ZMAT4: variants seen among roughly 807,000 people sequenced by gnomAD.
ZMAT4 encodes zinc finger matrin-type protein 4.
Under a neutral mutation model 28.7 loss-of-function variants are expected in ZMAT4, and 17 were observed. The ratio of observed to expected loss-of-function variants is 0.59; its 90% confidence interval spans 0.41 to 0.89. The LOEUF is 0.89. Ranked by LOEUF, ZMAT4 falls within the 40% of genes least tolerant of loss-of-function variation. The pLI, the probability that ZMAT4 is intolerant of heterozygous loss-of-function variation, is 0.00. For missense variants in ZMAT4, 240 were observed against 283.8 expected (o/e 0.85, Z 1.11); for synonymous variants, 117 against 109.2 (o/e 1.07, Z -0.44).
intron 5 of ZMAT4, among the ~76,000 whole-genome samples, chr8:40,595,477 G>C (rs1337653369): frequency 6.6e-6 from 1 of 152,120 alleles, no homozygotes; most frequent in East Asian, 1.9e-4. Context: ...GAACATCAGA[G>C]TGTACTTACA....
At chr8:40,892,009 A>G (rs959125865) in intron 1 of ZMAT4, among the ~76,000 whole-genome samples, 2 of 152,082 alleles carry the variant, frequency 1.3e-5, no homozygotes, top group African/African-American at 2.4e-5. Context: ...AGACTTCCCA[A>G]CTTCACTGAC....
intron 1 of ZMAT4, 123 bp downstream of exon 1, chr8:40,897,560 C>T (rs1162843267): frequency 1.3e-5 from 2 of 152,264 alleles, no homozygotes; most frequent in African/African-American, 4.8e-5. Flanking sequence ...CAGTGATTTC[C>T]CACCTTTATC....
intron 3 of ZMAT4, among the ~76,000 whole-genome samples, chr8:40,745,675 A>C (rs1812187033): frequency 6.6e-6 from 1 of 152,146 alleles, no homozygotes; most frequent in African/African-American, 2.4e-5. Context: ...AACTTAGGAC[A>C]ATGTTCAGAG....
intron 6 of ZMAT4, among the ~76,000 whole-genome samples, chr8:40,552,958 G>A (rs1012814631): frequency 2.6e-5 from 4 of 152,164 alleles, no homozygotes; most frequent in African/African-American, 4.8e-5. Context: ...AGCTAAGCAC[G>A]TGGGAGTTAT....
chr8:40,760,056 ACT>A (rs945150390), intron 3 of ZMAT4, among the ~76,000 whole-genome samples: 2 of 151,966 alleles, frequency 1.3e-5, no homozygotes, highest in Admixed American at 1.3e-4. Flanking sequence ...ACTTTGTCCC[ACT>A]CTTATGCTTG....
intron 1 of ZMAT4, among the ~76,000 whole-genome samples, chr8:40,895,140 C>T (rs976608573): frequency 4.7e-5 from 6 of 127,104 alleles, no homozygotes; most frequent in African/African-American, 1.4e-4. Flanking sequence ...AACCCCTTCC[C>T]ACCATAGTGG....
chr8:40,573,555 C>A lies in ZMAT4; in HGVS notation c.674+7610G>T, dbSNP rs115265135. On this transcript the variant is annotated intron_variant, in intron 6 of 6. Transcript: ENST00000297737. The stretch of plus-strand genomic sequence containing the variant: ...GATGATTTCATCTTGAGAATCTTAA[C>A]TGATAACATCTGCAAAGACCCTATT... 5.1e-3 allele frequency among the ~76,000 whole-genome samples: 771 copies of A among 152,242 alleles called. 7 individuals are homozygous for A. Among genetic ancestry groups the A allele is most frequent in the African/African-American group, 0.018 (743 of 41,546 alleles).
At position 40,530,791 on chromosome 8, in the gene ZMAT4, GTC is replaced by G. The variant is rs1802668605; in HGVS notation, c.*1430_*1431del. ...AGTAGGGTGTGGCTCGTGGGGCTTC[GTC>G]TCTCTGCAGGCACAGAAACTGGCAG... On this transcript the variant is annotated 3_prime_UTR_variant, in exon 7 of 7. Transcript: ENST00000297737. 1 of 152,474 alleles carries G rather than the reference GTC, an allele frequency of 6.6e-6. No homozygotes were observed. The highest frequency in any genetic ancestry group is 6.6e-5 in the Admixed American group (1 of 15,250). The allele number at this position is 152,474 out of a possible 1,614,324, so 9.4% of individuals were successfully genotyped here.
chr8:40,841,408 C>G lies in ZMAT4; in HGVS notation c.-4-15728G>C, dbSNP rs562518814. Among the ~76,000 whole-genome samples the G allele has an allele frequency of 1.2e-4, 18 of 152,322 alleles. No individual in the cohort carries two copies. The East Asian group carries it at 3.5e-3, about 29-fold the overall frequency. On this transcript the variant is annotated intron_variant, in intron 1 of 6. Coordinates refer to ENST00000297737, the MANE Select transcript of ZMAT4 (RefSeq NM_024645.3). Reference sequence around the variant, plus strand: ...CGCCCCCCTGCCACCAACAAATGTGCCTGCTCCCTGTCCCTTCCACGTCTT... The same window carrying G: ...CGCCCCCCTGCCACCAACAAATGTGGCTGCTCCCTGTCCCTTCCACGTCTT...
intron 2 of ZMAT4, among the ~76,000 whole-genome samples, chr8:40,817,798 C>T (rs944799371): frequency 2.0e-5 from 3 of 152,138 alleles, no homozygotes; most frequent in African/African-American, 4.8e-5. Context: ...TGTGTGTGTT[C>T]TATGTCAGGG....
chr8:40,754,434 G>A (rs866241923), intron 3 of ZMAT4, among the ~76,000 whole-genome samples: 4 of 152,152 alleles, frequency 2.6e-5, no homozygotes, highest in African/African-American at 9.6e-5. Context: ...CAGTATAAAT[G>A]AGTTTCAGAA....
At chr8:40,598,976 T>C (rs1017359583) in intron 5 of ZMAT4, among the ~76,000 whole-genome samples, 3 of 152,096 alleles carry the variant, frequency 2.0e-5, no homozygotes, top group Admixed American at 6.5e-5. Flanking sequence ...ATAAGAGAAA[T>C]AGACACAGAA....
intron 1 of ZMAT4, among the ~76,000 whole-genome samples, chr8:40,867,489 T>C (rs983461359): frequency 2.0e-5 from 3 of 152,154 alleles, no homozygotes; most frequent in Non-Finnish European, 2.9e-5. Context: ...TTGGAGTAGC[T>C]GCAGGGTCCT....
Position 40,698,153 on chromosome 8 carries a change from G to C in ZMAT4, c.193-752C>G, listed in dbSNP as rs547055744. ...TCTGTATCATAAAGCTATGATGACT[G>C]TGCTGGCTGGATTTTCTGGGAGAGT... On this transcript the variant is annotated intron_variant, in intron 3 of 6. Transcript: ENST00000297737. Among the ~76,000 whole-genome samples the C allele has an allele frequency of 1.2e-4, 18 of 152,212 alleles. No homozygotes were observed. The East Asian group carries it at 2.5e-3, about 21-fold the overall frequency.
chr8:40,542,038 T>G (rs1439100790), intron 6 of ZMAT4, among the ~76,000 whole-genome samples: 2 of 151,954 alleles, frequency 1.3e-5, no homozygotes, highest in Non-Finnish European at 2.9e-5. Flanking sequence ...AAGGGATGAG[T>G]TGGCAGAAGT....
intron 6 of ZMAT4, among the ~76,000 whole-genome samples, chr8:40,557,955 T>C (rs893507059): frequency 6.6e-6 from 1 of 152,076 alleles, no homozygotes; most frequent in Non-Finnish European, 1.5e-5. Context: ...TAGGATGATG[T>C]GACAGAGAAC....
At chr8:40,735,954 C>A (rs1251137386) in intron 3 of ZMAT4, among the ~76,000 whole-genome samples, 1 of 152,122 alleles carries the variant, frequency 6.6e-6, no homozygotes, top group Non-Finnish European at 1.5e-5. Flanking sequence ...GAAATTAGAT[C>A]TTTCAAATTC....
chr8:40,613,170 TACTTTCTTTC>T (rs1289499578), intron 5 of ZMAT4, among the ~76,000 whole-genome samples: 1 of 68,788 alleles, frequency 1.5e-5, no homozygotes, highest in Admixed American at 2.0e-4. Context: ...CTTTCTTTCT[TACTTTCTTTC>T]TTTTTTTTTT....
intron 2 of ZMAT4, among the ~76,000 whole-genome samples, chr8:40,816,396 T>C (rs765035228): frequency 2.0e-5 from 3 of 152,186 alleles, no homozygotes; most frequent in African/African-American, 4.8e-5. Context: ...GAAAGAATTT[T>C]TTTTTTATTT....
Sources: allele counts gnomAD v4.1 joint callset (sites outside exome capture counted in the v4.1 genomes callset), GRCh38; gene constraint gnomAD v4.1.1; transcripts MANE v1.5; gene names NCBI Gene and HGNC (gene_info 2026-07-23, HGNC 2026-07-21).